Variants in MTRF1L observed in about 807,000 individuals in gnomAD.
MTRF1L encodes the protein peptide chain release factor 1-like, mitochondrial.
MTRF1L carries 29 observed loss-of-function variants against 40.0 expected under a neutral mutation model. That is an observed-to-expected ratio of 0.73 (90% confidence interval 0.54 to 0.99). The LOEUF (loss-of-function observed/expected upper bound fraction) is 0.99. Among genes scored for constraint, MTRF1L ranks in the 50% least tolerant of loss-of-function variants. MTRF1L has a pLI of 0.00. For synonymous variants in MTRF1L, 150 were observed against 175.8 expected (o/e 0.85, Z 1.16); for missense variants, 412 against 464.5 (o/e 0.89, Z 1.04).
intron 6 of MTRF1L, 180 bp from the exon 7 acceptor site, chr6:152,990,275 T>C: frequency 1.1e-6 from 1 of 913,414 alleles, no homozygotes; most frequent in Non-Finnish European, 1.6e-6. Flanking sequence ...GAACACGTGC[T>C]CTAAAATCAG....
At position 152,992,903 on chromosome 6, in the gene MTRF1L, A is replaced by G. The variant is rs145411288; in HGVS notation, c.759T>C (p.His253=). ...TKRASGAGGQ[H]VNTTDSAVRI... Reference sequence around the variant, plus strand: ...GGACAGCACTGTCCGTGGTATTTACATGCTGCCCCCCAGCTCCACTGGCTC... The same window carrying G: ...GGACAGCACTGTCCGTGGTATTTACGTGCTGCCCCCCAGCTCCACTGGCTC... Residue 253 remains histidine, a synonymous_variant, in exon 5 of 7, where the codon CAT becomes CAC. Transcript: ENST00000367233. 192 of 1,612,350 alleles carry G rather than the reference A, an allele frequency of 1.2e-4. No homozygotes were observed. The African/African-American group carries it at 1.6e-3, about 14-fold the overall frequency.
At chr6:153,002,241 G>A (rs546973560) in intron 1 of MTRF1L, among the ~76,000 whole-genome samples, 186 bp downstream of exon 1, 1 of 152,302 alleles carries the variant, frequency 6.6e-6, no homozygotes, top group South Asian at 2.1e-4. Flanking sequence ...CGTGGCAAAG[G>A]AGCACAAGAG....
chr6:152,995,016 G>A, intron 3 of MTRF1L, 120 bp downstream of exon 3: 3 of 940,224 alleles, frequency 3.2e-6, no homozygotes, highest in Non-Finnish European at 3.1e-6. Context: ...AATTTATTAG[G>A]TAAATGATGA....
Position 152,994,760 on chromosome 6 carries a change from A to G in MTRF1L, c.524-84T>C. On this transcript the variant is annotated intron_variant, in intron 3 of 6. Coordinates refer to ENST00000367233, the MANE Select transcript of MTRF1L (RefSeq NM_019041.7). ...ACCATCACATCTACTATCTTGAGGT[A>G]TATTTTTAAAGTCATAAAAGGAGAT... 10 of 1,520,980 alleles carry G rather than the reference A, an allele frequency of 6.6e-6. No individual in the cohort carries two copies. The South Asian group carries it at 9.0e-5, about 14-fold the overall frequency. The allele number at this position is 1,520,980 out of a possible 1,614,324, so 94.2% of individuals were successfully genotyped here. A position where few individuals can be genotyped will look rare whatever the true frequency, so the allele number is the denominator to read the frequency against.
intron 1 of MTRF1L, among the ~76,000 whole-genome samples, chr6:153,000,894 G>A (rs1347258901): frequency 8.8e-6 from 1 of 113,086 alleles, no homozygotes; most frequent in Non-Finnish European, 1.7e-5. Context: ...TTTTTTTTGA[G>A]GCAGGGTCTT....
chr6:152,995,025 G>A (rs908658474), intron 3 of MTRF1L, 111 bp downstream of exon 3: 2 of 991,424 alleles, frequency 2.0e-6, no homozygotes, highest in East Asian at 2.7e-5. Flanking sequence ...GGTAAATGAT[G>A]AGCATAAAAC....
rs535092049 is a variant in MTRF1L, at chr6:153,000,189, T to G, written c.260-1560A>C. 3.3e-5 allele frequency among the ~76,000 whole-genome samples: 5 copies of G among 152,256 alleles called. No individual in the cohort carries two copies. In the East Asian group the frequency reaches 9.6e-4, roughly 29 times the overall value. On this transcript the variant is annotated intron_variant, in intron 1 of 6. Coordinates refer to ENST00000367233, the MANE Select transcript of MTRF1L (RefSeq NM_019041.7). ...AATGAAAGTTCTGAGCTGGATAATC[T>G]CTAAGGTGCCTTTCAGTTCTGCAAA...
In MTRF1L at chr6:153,002,458, C is replaced by T. The variant is rs754673366; in HGVS notation, c.228G>A (p.Arg76=). ...AVIKLLNEKE[R]ELRETEHLLH... Reference sequence around the variant, plus strand: ...GCAAGTGCTCAGTCTCCCGCAGCTCCCGCTCCTTCTCGTTCAGCAGTTTGA... The same window carrying T: ...GCAAGTGCTCAGTCTCCCGCAGCTCTCGCTCCTTCTCGTTCAGCAGTTTGA... Residue 76 remains arginine, a synonymous_variant, in exon 1 of 7, where the codon CGG becomes CGA. Coordinates refer to ENST00000367233, the MANE Select transcript of MTRF1L (RefSeq NM_019041.7). 2 of 1,613,826 alleles carry T rather than the reference C, an allele frequency of 1.2e-6. No individual in the cohort carries two copies. Among genetic ancestry groups the T allele is most frequent in the East Asian group, 4.5e-5 (2 of 44,896 alleles).
At chr6:152,994,829 A>G (rs1778659682) in intron 3 of MTRF1L, 153 bp from the exon 4 acceptor site, 1 of 1,000,226 alleles carries the variant, frequency 1.0e-6, no homozygotes. Context: ...CAATGTTTTA[A>G]TATTTATCTT....
intron 4 of MTRF1L, 65 bp downstream of exon 4, chr6:152,994,448 G>A: frequency 6.8e-7 from 1 of 1,460,662 alleles, no homozygotes; most frequent in Non-Finnish European, 9.1e-7. Flanking sequence ...AACTCTGAAT[G>A]TTAACTCTGG....
At chr6:152,992,685 C>T (rs1324912074) in intron 5 of MTRF1L, among the ~76,000 whole-genome samples, 172 bp downstream of exon 5, 2 of 152,174 alleles carry the variant, frequency 1.3e-5, no homozygotes, top group African/African-American at 4.8e-5. Flanking sequence ...CCTCGCCTTG[C>T]AGTTATCCCA....
At position 152,995,333 on chromosome 6, in the gene MTRF1L, A is replaced by C; in HGVS notation, c.340-14T>G. On this transcript the variant is annotated splice_polypyrimidine_tract_variant and intron_variant, in intron 2 of 6. Coordinates refer to ENST00000367233, the MANE Select transcript of MTRF1L (RefSeq NM_019041.7). ...AAGTAAGATAATCTGTAAATATAAA[A>C]ATATCACCCCTCCTATAATTAAGAT... The C allele has an allele frequency of 6.5e-7, 1 of 1,544,980 alleles. No individual in the cohort carries two copies. Among genetic ancestry groups the C allele is most frequent in the Non-Finnish European group, 8.8e-7 (1 of 1,141,566 alleles).
At position 152,992,948 on chromosome 6, in the gene MTRF1L, A is replaced by G. The variant is rs1778580288; in HGVS notation, c.714T>C (p.Asp238=). 1 of 1,613,284 alleles carries G rather than the reference A, an allele frequency of 6.2e-7. No homozygotes were observed. Among genetic ancestry groups the G allele is most frequent in the African/African-American group, 1.3e-5 (1 of 74,890 alleles). Residue 238 remains aspartate, a synonymous_variant, in exon 5 of 7, where the codon GAT becomes GAC. Coordinates refer to ENST00000367233, the MANE Select transcript of MTRF1L (RefSeq NM_019041.7). ...TEINLVINPK[D]LRIDTKRASG... is the part of the protein sequence containing the mutation. ...TGGCTCGCTTAGTGTCAATTCTCAA[A>G]TCTTTCGGATTAATCACCAGATTAA... is the stretch of plus-strand genomic sequence containing the variant.
chr6:152,994,458 G>C, intron 4 of MTRF1L, 55 bp downstream of exon 4: 1 of 1,482,430 alleles, frequency 6.7e-7, no homozygotes, highest in Non-Finnish European at 9.0e-7. Flanking sequence ...GTTAACTCTG[G>C]GGACAAGGCA....
In MTRF1L at chr6:152,994,640, G is replaced by A. The variant is rs979109947; in HGVS notation, c.560C>T (p.Ser187Leu). The A allele has an allele frequency of 5.6e-6, 9 of 1,613,922 alleles. No homozygotes were observed. The highest frequency in any genetic ancestry group is 7.6e-6 in the Non-Finnish European group (9 of 1,180,004). Residue 187 changes from serine (S) to leucine (L), a missense_variant, in exon 4 of 7, where the codon TCA becomes TTA. Physicochemically the swap from Ser to Leu is moderately radical, Grantham distance 145. Coordinates refer to ENST00000367233, the MANE Select transcript of MTRF1L (RefSeq NM_019041.7). ...AAATTTCATGTGCCTATAGGCTTCT[G>A]AACCCCCAATGCTGGCAGATGCATG... ...LRHASASIGG[S>L]EAYRHMKFEG...
intron 1 of MTRF1L, 121 bp downstream of exon 1, chr6:153,002,306 C>G (rs1228219943): frequency 1.3e-5 from 19 of 1,472,004 alleles, no homozygotes; most frequent in Admixed American, 7.4e-5. Context: ...ACCTCTGATC[C>G]AAAATAAAAA....
Position 152,992,459 on chromosome 6 carries a change from AT to A in MTRF1L, c.805+397del, listed in dbSNP as rs535367979. On this transcript the variant is annotated intron_variant, in intron 5 of 6. Transcript: ENST00000367233. The stretch of plus-strand genomic sequence containing the variant: ...GTAGGAGGTCCAATGCTTTCATATC[AT>A]TTTTTTTTAAAGGAAGCCATGTTCC... 3.0e-4 allele frequency among the ~76,000 whole-genome samples: 45 copies of A among 151,470 alleles called. 1 individual carries two copies. Among genetic ancestry groups the A allele is most frequent in the South Asian group, 6.3e-4 (3 of 4,784 alleles).
chr6:152,989,701 C>G lies in MTRF1L; in HGVS notation c.*194G>C. 1 of 591,632 alleles carries G rather than the reference C, an allele frequency of 1.7e-6. No individual in the cohort carries two copies. The highest frequency in any genetic ancestry group is 2.8e-6 in the Non-Finnish European group (1 of 360,302). 36.6% of individuals were successfully genotyped at this position (591,632 alleles called of 1,614,324 possible). On this transcript the variant is annotated 3_prime_UTR_variant, in exon 7 of 7. Coordinates refer to ENST00000367233, the MANE Select transcript of MTRF1L (RefSeq NM_019041.7). Reference sequence around the variant, plus strand: ...AATTAACCACAATGTAAATCGAGGACCATCTGTATATTGTATGATTTTTGC... The same window carrying G: ...AATTAACCACAATGTAAATCGAGGAGCATCTGTATATTGTATGATTTTTGC...
intron 2 of MTRF1L, among the ~76,000 whole-genome samples, chr6:152,996,932 T>C (rs930835967): frequency 8.5e-5 from 13 of 152,234 alleles, no homozygotes; most frequent in African/African-American, 3.1e-4. Flanking sequence ...AAACTCGTGC[T>C]AACTTGTTAT....
Sources: allele counts gnomAD v4.1 joint callset (sites outside exome capture counted in the v4.1 genomes callset), GRCh38; gene constraint gnomAD v4.1.1; transcripts MANE v1.5; gene names NCBI Gene and HGNC (gene_info 2026-07-23, HGNC 2026-07-21).